RANBP10: variants seen among roughly 807,000 people sequenced by gnomAD.
RANBP10 encodes the protein RAN binding protein 10, also known as ran-binding protein 10.
A neutral mutation model predicts 72.8 loss-of-function variants in RANBP10; 24 were observed. The ratio of observed to expected loss-of-function variants is 0.33; its 90% CI spans 0.24 to 0.46. RANBP10 has a LOEUF of 0.46. Among genes scored for constraint, RANBP10 ranks in the 20% least tolerant of loss-of-function variants. The pLI is 1.00. For synonymous variants in RANBP10, 310 were observed against 322.3 expected, an observed-to-expected ratio of 0.96 and a Z score of 0.41; for missense variants, 679 against 817.5, an observed-to-expected ratio of 0.83 and a Z score of 2.07.
intron 4 of RANBP10, among the ~76,000 whole-genome samples, chr16:67,742,187 G>A (rs2053982839): frequency 6.6e-6 from 1 of 151,956 alleles, no homozygotes; most frequent in African/African-American, 2.4e-5. Context: ...TGGGAATACA[G>A]GCGTGAGCCA....
rs149894985 is a variant in RANBP10 at position 67,740,358 on chromosome 16, C to T, written c.569-2323G>A. On this transcript the variant is annotated intron_variant, in intron 4 of 13. Coordinates refer to ENST00000317506, the MANE Select transcript of RANBP10 (RefSeq NM_020850.3). ...TGACCTCATGATCTGCCTGTCTCAG[C>T]CTCCCAAAGTGCTGGGATTACAGTC... Among the ~76,000 whole-genome samples, 635 of 152,150 alleles carry T rather than the reference C, an allele frequency of 4.2e-3. 3 individuals carry two copies. Among genetic ancestry groups the T allele is most frequent in the African/African-American group, 0.014 (570 of 41,490 alleles).
chr16:67,805,234 C>A lies in RANBP10; in HGVS notation c.347+194G>T, dbSNP rs1426096356. ...ATCACTAAAAATAATCCCTGCTTTA[C>A]CCCCAACACACCCACTGGCCATCAA... On this transcript the variant is annotated intron_variant, in intron 2 of 13. Transcript: ENST00000317506. Among the ~76,000 whole-genome samples, 5 of 152,170 alleles carry A rather than the reference C, an allele frequency of 3.3e-5. No individual in the cohort carries two copies. In the South Asian group the frequency reaches 6.2e-4, roughly 19 times the overall value.
At chr16:67,786,880 T>G (rs184373351) in intron 2 of RANBP10, among the ~76,000 whole-genome samples, 24 of 151,180 alleles carry the variant, frequency 1.6e-4, no homozygotes, top group Admixed American at 2.7e-4. Context: ...TGAGCCCAGA[T>G]CAAGCCATTG....
At chr16:67,784,394 C>T (rs993295730) in intron 2 of RANBP10, among the ~76,000 whole-genome samples, 2 of 152,102 alleles carry the variant, frequency 1.3e-5, no homozygotes, top group South Asian at 2.1e-4. Flanking sequence ...TGGTGGCTCA[C>T]GCCTGTAATC....
At chr16:67,788,449 G>T (rs2143017483) in intron 2 of RANBP10, among the ~76,000 whole-genome samples, 1 of 150,814 alleles carries the variant, frequency 6.6e-6, no homozygotes, top group South Asian at 2.1e-4. Context: ...AGTAGAGAGG[G>T]GGTTTCACCA....
chr16:67,751,013 G>A (rs9674173), intron 3 of RANBP10, among the ~76,000 whole-genome samples: 5,963 of 152,082 alleles, frequency 0.039, 323 homozygotes, highest in African/African-American at 0.13. Flanking sequence ...TGATCTGCCC[G>A]CCTCGGCCTC....
chr16:67,755,683 CAAAAAAAAAAAAA>C (rs58929828), intron 3 of RANBP10, among the ~76,000 whole-genome samples: 6 of 54,370 alleles, frequency 1.1e-4, no homozygotes, highest in Non-Finnish European at 1.9e-4. Flanking sequence ...GACTCTGCCT[CAAAAAAAAAAAAA>C]AAAAAAAAAA....
chr16:67,734,769 G>T lies in RANBP10; in HGVS notation c.776+89C>A, dbSNP rs550287960. ...AGAAAGGATCCACCCGCTGGAATTTGTAAGAACAGCTTGTAGCCCTACAGG... is the reference window on the plus strand; with the variant it reads ...AGAAAGGATCCACCCGCTGGAATTTTTAAGAACAGCTTGTAGCCCTACAGG... On this transcript the variant is annotated intron_variant, in intron 6 of 13. Coordinates refer to ENST00000317506, the MANE Select transcript of RANBP10 (RefSeq NM_020850.3). 5.0e-5 allele frequency: 65 copies of T among 1,299,480 alleles called. 1 individual carries two copies. In the South Asian group the frequency reaches 7.6e-4, roughly 15 times the overall value. 80.5% of individuals were successfully genotyped at this position (1,299,480 alleles called of 1,614,324 possible).
intron 3 of RANBP10, among the ~76,000 whole-genome samples, chr16:67,759,093 C>T (rs562247576): frequency 1.3e-5 from 2 of 152,376 alleles, no homozygotes; most frequent in East Asian, 1.9e-4. Flanking sequence ...TTAGCCACCG[C>T]TTGAATCACC....
At chr16:67,753,646 G>T (rs1394266498) in intron 3 of RANBP10, among the ~76,000 whole-genome samples, 1 of 152,180 alleles carries the variant, frequency 6.6e-6, no homozygotes, top group African/African-American at 2.4e-5. Flanking sequence ...AACCTTCGGG[G>T]TAAAGGGTAT....
intron 11 of RANBP10, among the ~76,000 whole-genome samples, chr16:67,728,130 G>A (rs980112788): frequency 1.3e-5 from 2 of 152,208 alleles, no homozygotes; most frequent in Non-Finnish European, 2.9e-5. Context: ...CTGCACAGAC[G>A]CAGGGTGCTC....
Position 67,738,036 on chromosome 16 carries a change from C to A in RANBP10, c.569-1G>T. On this transcript the variant is annotated splice_acceptor_variant, in intron 4 of 13. Coordinates refer to ENST00000317506, the MANE Select transcript of RANBP10 (RefSeq NM_020850.3). LOFTEE classifies it high-confidence loss of function. ...ACCGGGAGGTCTGTGAAGGCTATAC[C>A]TGTGGGGGGAAAGGAACAGTCATCA... 1.3e-6 allele frequency: 2 copies of A among 1,589,388 alleles called. No homozygotes were observed. The highest frequency in any genetic ancestry group is 1.7e-6 in the Non-Finnish European group (2 of 1,166,684).
chr16:67,792,279 G>A (rs974538143), intron 2 of RANBP10, among the ~76,000 whole-genome samples: 3 of 152,030 alleles, frequency 2.0e-5, no homozygotes, highest in Non-Finnish European at 4.4e-5. Flanking sequence ...GCTAGACCAG[G>A]CACCGTGGCT....
Position 67,754,183 on chromosome 16 carries a change from C to T in RANBP10, c.401-9728G>A, listed in dbSNP as rs537464143. Among the ~76,000 whole-genome samples the T allele has an allele frequency of 9.9e-5, 15 of 151,792 alleles. No homozygotes were observed. The South Asian group carries it at 2.9e-3, about 30-fold the overall frequency. ...GGAAGATGGGTGGAAGGAACAGGCC[C>T]TTCGGAAGTGCTAAGCTTGAGATGT... is the stretch of plus-strand genomic sequence containing the variant. On this transcript the variant is annotated intron_variant, in intron 3 of 13. Transcript: ENST00000317506.
chr16:67,793,094 T>C (rs2055059134), intron 2 of RANBP10, among the ~76,000 whole-genome samples: 1 of 152,020 alleles, frequency 6.6e-6, no homozygotes, highest in African/African-American at 2.4e-5. Flanking sequence ...CCGGAGGGTG[T>C]AGCCACTAAT....
intron 5 of RANBP10, among the ~76,000 whole-genome samples, chr16:67,736,019 C>T (rs1249563613): frequency 6.6e-6 from 1 of 152,098 alleles, no homozygotes; most frequent in Non-Finnish European, 1.5e-5. Flanking sequence ...GTCCCTCCCT[C>T]ACTTGGTGGT....
At position 67,723,178 on chromosome 16, in the gene RANBP10, T is replaced by C. The variant is rs1378584262; in HGVS notation, c.*3250A>G. 6.6e-6 allele frequency: 1 copy of C among 152,624 alleles called. No individual in the cohort carries two copies. Among genetic ancestry groups the C allele is most frequent in the African/African-American group, 2.4e-5 (1 of 41,442 alleles). 9.5% of individuals were successfully genotyped at this position (152,624 alleles called of 1,614,324 possible). On this transcript the variant is annotated 3_prime_UTR_variant, in exon 14 of 14. Coordinates refer to ENST00000317506, the MANE Select transcript of RANBP10 (RefSeq NM_020850.3). ...TAAGATGTTTTGTGTTAGAGTTCTC[T>C]CTCCATCCTCCCACACCCACAAGTT...
intron 2 of RANBP10, among the ~76,000 whole-genome samples, chr16:67,772,756 T>C (rs1453639215): frequency 6.6e-6 from 1 of 152,176 alleles, no homozygotes; most frequent in Non-Finnish European, 1.5e-5. Flanking sequence ...CATTGGAGTA[T>C]GCAACCTGGG....
chr16:67,799,555 G>A (rs1049458106), intron 2 of RANBP10, among the ~76,000 whole-genome samples: 7 of 152,116 alleles, frequency 4.6e-5, no homozygotes, highest in East Asian at 3.9e-4. Flanking sequence ...CCAAAGTGCC[G>A]GGAATACAGG....
Sources: allele counts gnomAD v4.1 joint callset (sites outside exome capture counted in the v4.1 genomes callset), GRCh38; gene constraint gnomAD v4.1.1; transcripts MANE v1.5; gene names NCBI Gene and HGNC (gene_info 2026-07-23, HGNC 2026-07-21).